The following LARS1 variants were observed in gnomAD, a reference collection of about 807,000 sequenced individuals.
LARS1 encodes leucine--tRNA ligase, cytoplasmic.
In LARS1, 100 loss-of-function variants were observed where a neutral mutation model predicts 162.8. The observed-to-expected ratio is 0.61, with a 90% CI of 0.52 to 0.73. The LOEUF (loss-of-function observed/expected upper bound fraction) is 0.73. Ranked by LOEUF, LARS1 falls within the 30% of genes least tolerant of loss-of-function variation. The pLI is 0.00. For missense variants in LARS1, 1,258 were observed against 1,408.9 expected (o/e 0.89, Z 1.71); for synonymous variants, 457 against 462.8 (o/e 0.99, Z 0.16).
chr5:146,137,746 A>C (rs1387954418), intron 21 of LARS1: 2 of 287,060 alleles, frequency 7.0e-6, no homozygotes, highest in African/African-American at 2.3e-5. Flanking sequence ...AGGACTTCTA[A>C]AAGGAAATAT....
At chr5:146,134,677 G>C (rs771562215) in intron 22 of LARS1, among the ~76,000 whole-genome samples, 4 of 152,214 alleles carry the variant, frequency 2.6e-5, no homozygotes, top group Non-Finnish European at 5.9e-5. Flanking sequence ...GGCCAGGCAT[G>C]GTGGCTCATG....
intron 31 of LARS1, among the ~76,000 whole-genome samples, chr5:146,117,429 G>A (rs752170466): frequency 3.9e-5 from 6 of 152,146 alleles, no homozygotes; most frequent in Non-Finnish European, 5.9e-5. Flanking sequence ...GGCCAAGTTG[G>A]CAAAGCCCTG....
chr5:146,157,702 T>C (rs1753594018), intron 9 of LARS1, 26 bp downstream of exon 9: 2 of 1,613,478 alleles, frequency 1.2e-6, no homozygotes, highest in Middle Eastern at 1.6e-4. Flanking sequence ...TCAGAAATGA[T>C]AAAGCAATTA....
At chr5:146,119,330 G>A (rs1044601139) in intron 31 of LARS1, among the ~76,000 whole-genome samples, 4 of 152,080 alleles carry the variant, frequency 2.6e-5, no homozygotes, top group Non-Finnish European at 4.4e-5. Context: ...ATCCACAGAA[G>A]GGAAACAACT....
chr5:146,120,275 C>A, intron 31 of LARS1, 96 bp downstream of exon 31: 1 of 1,287,568 alleles, frequency 7.8e-7, no homozygotes, highest in Non-Finnish European at 1.1e-6. Flanking sequence ...ACACAGCTGT[C>A]CATAAGCAAG....
At position 146,182,580 on chromosome 5, in the gene LARS1, G is replaced by A. The variant is rs11540215; in HGVS notation, c.-87C>T. On this transcript the variant is annotated 5_prime_UTR_variant, in exon 1 of 32. Coordinates refer to ENST00000394434, the MANE Select transcript of LARS1 (RefSeq NM_020117.11). The stretch of plus-strand genomic sequence containing the variant: ...TGGTTACCTTTCCCCTCCCTCTCGG[G>A]GATGCCAGGCCTCCCACGAAACTAA... 0.28 allele frequency: 433,285 copies of A among 1,573,874 alleles called. 63,562 individuals are homozygous for A. The highest frequency in any genetic ancestry group is 0.42 in the Admixed American group (24,859 of 59,664).
Position 146,140,236 on chromosome 5 carries a change from C to T in LARS1, c.2116G>A (p.Ala706Thr). 2 of 1,611,812 alleles carry T rather than the reference C, an allele frequency of 1.2e-6. No homozygotes were observed. Among genetic ancestry groups the T allele is most frequent in the South Asian group, 2.2e-5 (2 of 91,056 alleles). ...QSDKWPTAVR[A>T]NGHLLLNSEK... is the part of the protein sequence containing the mutation. The stretch of plus-strand genomic sequence containing the variant: ...GAGTTCAGGAGGAGATGTCCATTTG[C>T]TCTCACAGCTGTAGGCCATTTGTCA... The change falls in exon 21 of 32, where the codon GCA becomes ACA. Residue 706 changes from alanine (A) to threonine (T), a missense_variant. Physicochemically the swap from Ala to Thr is moderately conservative, Grantham distance 58. Transcript: ENST00000394434.
chr5:146,121,296 T>C (rs1581004253), intron 30 of LARS1, among the ~76,000 whole-genome samples: 1 of 152,048 alleles, frequency 6.6e-6, no homozygotes, highest in South Asian at 2.1e-4. Context: ...AAAAAACATA[T>C]CTAAGTCCTC....
At chr5:146,156,161 C>G (rs144192429) in intron 10 of LARS1, among the ~76,000 whole-genome samples, 1 of 152,218 alleles carries the variant, frequency 6.6e-6, no homozygotes, top group African/African-American at 2.4e-5. Context: ...CCAGGATACA[C>G]AAGACACAGA....
At chr5:146,143,746 C>T (rs1390265772) in intron 18 of LARS1, among the ~76,000 whole-genome samples, 196 bp from the exon 19 acceptor site, 2 of 152,116 alleles carry the variant, frequency 1.3e-5, no homozygotes, top group Non-Finnish European at 2.9e-5. Flanking sequence ...CGCCTATAAT[C>T]CCAGCACTTT....
At position 146,143,021 on chromosome 5, in the gene LARS1, C is replaced by T. The variant is rs778180814; in HGVS notation, c.1941G>A (p.Lys647=). ...CTAATTTTTCCTTTGCAATCTGAGT[C>T]TTAGGAAATGGAGCCTCCTTGAAGA... ...YVFFKEAPFP[K]TQIAKEKLDQ... Residue 647 remains lysine, a synonymous_variant, in exon 20 of 32, where the codon AAG becomes AAA. Transcript: ENST00000394434. 2 of 1,613,956 alleles carry T rather than the reference C, an allele frequency of 1.2e-6. No homozygotes were observed. Among genetic ancestry groups the T allele is most frequent in the South Asian group, 1.1e-5 (1 of 91,072 alleles).
intron 10 of LARS1, among the ~76,000 whole-genome samples, chr5:146,155,006 C>T (rs945742027): frequency 7.2e-5 from 11 of 151,800 alleles, no homozygotes; most frequent in Admixed American, 7.2e-4. Flanking sequence ...CATGCACCAC[C>T]ACGCCTGGCT....
intron 6 of LARS1, among the ~76,000 whole-genome samples, chr5:146,161,444 G>A (rs1236055692): frequency 1.3e-5 from 2 of 152,118 alleles, no homozygotes; most frequent in Non-Finnish European, 2.9e-5. Flanking sequence ...AAAACTGGGA[G>A]TGGGCCGGGC....
intron 2 of LARS1, among the ~76,000 whole-genome samples, chr5:146,174,937 A>G (rs983073600): frequency 1.3e-5 from 2 of 152,076 alleles, no homozygotes; most frequent in Non-Finnish European, 2.9e-5. Context: ...AATTTTTTCA[A>G]TGCTGGGTGC....
chr5:146,170,517 T>G (rs1438989571), intron 4 of LARS1, among the ~76,000 whole-genome samples: 2 of 151,530 alleles, frequency 1.3e-5, no homozygotes, highest in Non-Finnish European at 2.9e-5. Flanking sequence ...ATTTTGAGTC[T>G]ACAGAAATTT....
chr5:146,119,627 G>C (rs1358380957), intron 31 of LARS1, among the ~76,000 whole-genome samples: 8 of 152,074 alleles, frequency 5.3e-5, no homozygotes, highest in African/African-American at 1.9e-4. Context: ...TTCACACTCT[G>C]CTCACCGTAG....
intron 29 of LARS1, among the ~76,000 whole-genome samples, chr5:146,123,712 C>T (rs1751926096): frequency 6.6e-6 from 1 of 151,694 alleles, no homozygotes; most frequent in Non-Finnish European, 1.5e-5. Flanking sequence ...AAATAATTTG[C>T]AGTAGAATAG....
At chr5:146,172,665 A>T (rs1331655760) in intron 3 of LARS1, 22 bp downstream of exon 3, 6 of 1,420,382 alleles carry the variant, frequency 4.2e-6, no homozygotes, top group Non-Finnish European at 5.8e-6. Context: ...TCCCCATTAT[A>T]GCAAACATAG....
At chr5:146,145,146 T>C (rs1752957133) in intron 15 of LARS1, among the ~76,000 whole-genome samples, 1 of 152,178 alleles carries the variant, frequency 6.6e-6, no homozygotes, top group Non-Finnish European at 1.5e-5. Context: ...GGCACTATCA[T>C]GGCTCACTAC....
Sources: allele counts gnomAD v4.1 joint callset (sites outside exome capture counted in the v4.1 genomes callset), GRCh38; gene constraint gnomAD v4.1.1; transcripts MANE v1.5; gene names NCBI Gene and HGNC (gene_info 2026-07-23, HGNC 2026-07-21).